Variants in ERC2 observed in about 807,000 individuals in gnomAD.
The protein encoded by ERC2 is ELKS/RAB6-interacting/CAST family member 2, also known as ERC protein 2.
A neutral mutation model predicts 114.8 loss-of-function variants in ERC2; 42 were observed. The observed-to-expected ratio is 0.37, with a 90% CI of 0.29 to 0.47. The LOEUF (loss-of-function observed/expected upper bound fraction) is 0.47. ERC2 is among the 20% of genes least tolerant of loss of function. The pLI is 0.99. For synonymous variants in ERC2, 454 were observed against 425.5 expected (o/e 1.07, Z -0.82); for missense variants, 939 against 1,150.7 (o/e 0.82, Z 2.66).
intron 3 of ERC2, among the ~76,000 whole-genome samples, chr3:56,247,737 T>C (rs951934086): frequency 6.6e-6 from 1 of 152,194 alleles, no homozygotes; most frequent in East Asian, 1.9e-4. Context: ...AAATGAGGAA[T>C]GGCTAGGCGC....
chr3:55,589,472 G>A (rs1457141430), intron 17 of ERC2, among the ~76,000 whole-genome samples: 2 of 152,178 alleles, frequency 1.3e-5, no homozygotes, highest in East Asian at 1.9e-4. Context: ...TGCTGGAGCT[G>A]TGCAGTGGAC....
intron 1 of ERC2, among the ~76,000 whole-genome samples, chr3:56,454,044 T>C (rs554451764): frequency 6.6e-6 from 1 of 152,322 alleles, no homozygotes; most frequent in South Asian, 2.1e-4. Flanking sequence ...CATCTTATAA[T>C]GGCTGTGTGA....
chr3:56,200,229 A>G (rs1257609841), intron 3 of ERC2, among the ~76,000 whole-genome samples: 2 of 151,940 alleles, frequency 1.3e-5, no homozygotes, highest in Admixed American at 6.6e-5. Flanking sequence ...AGAAACCCTC[A>G]CACAGAGCAG....
At chr3:56,445,542 C>T (rs79795053) in intron 1 of ERC2, among the ~76,000 whole-genome samples, 10,737 of 152,214 alleles carry the variant, frequency 0.071, 644 homozygotes, top group East Asian at 0.31. Flanking sequence ...GATACAATTA[C>T]GATTATAAAA....
At chr3:55,911,847 G>T (rs2064831160) in intron 13 of ERC2, among the ~76,000 whole-genome samples, 1 of 152,160 alleles carries the variant, frequency 6.6e-6, no homozygotes, top group African/African-American at 2.4e-5. Context: ...AAATTTTCAG[G>T]TATTTCCAGC....
chr3:55,617,210 C>G (rs908900404), intron 17 of ERC2, among the ~76,000 whole-genome samples: 1 of 152,196 alleles, frequency 6.6e-6, no homozygotes, highest in Non-Finnish European at 1.5e-5. Context: ...GGGGCTTGCC[C>G]TAGAGATTTG....
intron 17 of ERC2, among the ~76,000 whole-genome samples, chr3:55,515,198 C>A (rs183855265): frequency 6.6e-6 from 1 of 152,080 alleles, no homozygotes; most frequent in African/African-American, 2.4e-5. Flanking sequence ...AAAAGATGTC[C>A]GTCCACAACT....
At chr3:56,135,145 G>A (rs2080432941) in intron 6 of ERC2, among the ~76,000 whole-genome samples, 2 of 151,796 alleles carry the variant, frequency 1.3e-5, no homozygotes, top group South Asian at 4.2e-4. Context: ...TAGAGATAGG[G>A]TTTCACAATG....
chr3:55,654,354 T>C, intron 17 of ERC2, among the ~76,000 whole-genome samples: 1 of 152,274 alleles, frequency 6.6e-6, no homozygotes, highest in Non-Finnish European at 1.5e-5. Context: ...GGCTTTTCTG[T>C]GTGTACTTCT....
At chr3:55,568,019 C>T (rs1252251074) in intron 17 of ERC2, among the ~76,000 whole-genome samples, 1 of 152,150 alleles carries the variant, frequency 6.6e-6, no homozygotes, top group African/African-American at 2.4e-5. Context: ...TTTTATTGCT[C>T]ATAGGCTTCT....
chr3:56,184,550 C>T (rs1285676066), intron 3 of ERC2, among the ~76,000 whole-genome samples: 1 of 152,100 alleles, frequency 6.6e-6, no homozygotes, highest in Admixed American at 6.5e-5. Context: ...GACTTACCGC[C>T]CCATGGAAAA....
chr3:56,083,662 C>G (rs746562279), intron 6 of ERC2, among the ~76,000 whole-genome samples: 1 of 151,976 alleles, frequency 6.6e-6, no homozygotes, highest in Non-Finnish European at 1.5e-5. Context: ...AAACACCAAC[C>G]TGGGAACTAA....
intron 3 of ERC2, among the ~76,000 whole-genome samples, chr3:56,190,670 T>C (rs375235915): frequency 6.6e-6 from 1 of 152,100 alleles, no homozygotes; most frequent in East Asian, 1.9e-4. Context: ...AATTCCTGGG[T>C]TCAAGTGATC....
chr3:56,077,924 C>T (rs1247483628), intron 7 of ERC2, among the ~76,000 whole-genome samples: 1 of 152,128 alleles, frequency 6.6e-6, no homozygotes, highest in African/African-American at 2.4e-5. Flanking sequence ...GTAACAAGCA[C>T]TATTTACATG....
intron 3 of ERC2, among the ~76,000 whole-genome samples, chr3:56,184,305 C>T (rs1452080859): frequency 6.6e-6 from 1 of 152,046 alleles, no homozygotes; most frequent in African/African-American, 2.4e-5. Context: ...TTATTGGACA[C>T]CTAACACATG....
chr3:56,267,702 C>T (rs1167377036), intron 3 of ERC2, among the ~76,000 whole-genome samples: 1 of 152,046 alleles, frequency 6.6e-6, no homozygotes, highest in Non-Finnish European at 1.5e-5. Context: ...TCACTTGAAC[C>T]CAGGAGGCGT....
At chr3:55,655,963 C>G (rs2060841317) in intron 17 of ERC2, among the ~76,000 whole-genome samples, 1 of 152,108 alleles carries the variant, frequency 6.6e-6, no homozygotes, top group Admixed American at 6.5e-5. Context: ...GGAAACTGAG[C>G]CTTAAAGAGT....
At chr3:55,735,969 T>C (rs962483636) in intron 14 of ERC2, among the ~76,000 whole-genome samples, 1 of 152,160 alleles carries the variant, frequency 6.6e-6, no homozygotes, top group African/African-American at 2.4e-5. Context: ...CTTTCCTTCT[T>C]TCTCTATCCA....
At chr3:56,194,395 A>G (rs957499612) in intron 3 of ERC2, among the ~76,000 whole-genome samples, 1 of 152,216 alleles carries the variant, frequency 6.6e-6, no homozygotes, top group Non-Finnish European at 1.5e-5. Flanking sequence ...CAATGTGCTT[A>G]TAAGAGAAAC....
Sources: gnomAD v4.1 joint callset for allele counts (sites outside exome capture counted in the v4.1 genomes callset) on GRCh38, gnomAD v4.1.1 for gene constraint, MANE v1.5 for transcripts, NCBI Gene and HGNC (gene_info 2026-07-23, HGNC 2026-07-21) for gene names.